RIPOR2: variants seen among roughly 807,000 people sequenced by gnomAD.
RIPOR2 encodes the protein rho family-interacting cell polarization regulator 2.
A neutral mutation model predicts 114.5 loss-of-function variants in RIPOR2; 39 were observed. That is an observed-to-expected ratio of 0.34 (90% confidence interval 0.26 to 0.44). RIPOR2 has a LOEUF of 0.44. RIPOR2 is among the 20% of genes least tolerant of loss of function. The pLI, the probability that RIPOR2 is intolerant of heterozygous loss-of-function variation, is 1.00. For missense variants in RIPOR2, 1,007 were observed against 1,255.1 expected, an observed-to-expected ratio of 0.80 and a Z score of 2.99; for synonymous variants, 445 against 484.4, an observed-to-expected ratio of 0.92 and a Z score of 1.07.
intron 7 of RIPOR2, among the ~76,000 whole-genome samples, chr6:24,861,949 A>AT (rs995032916): frequency 6.6e-6 from 1 of 152,242 alleles, no homozygotes; most frequent in Non-Finnish European, 1.5e-5. Flanking sequence ...CAAGGGCTGA[A>AT]TTCTGCTCAA....
At chr6:24,892,861 C>G (rs925125838) in intron 1 of RIPOR2, among the ~76,000 whole-genome samples, 1 of 152,070 alleles carries the variant, frequency 6.6e-6, no homozygotes, top group Admixed American at 6.5e-5. Flanking sequence ...TTTTAAGATA[C>G]TTGGGATGTT....
In RIPOR2 at chr6:24,950,743, A is replaced by C. The variant is rs1772706569; in HGVS notation, c.77-74926T>G. Among the ~76,000 whole-genome samples the C allele has an allele frequency of 2.6e-5, 4 of 152,098 alleles. No homozygotes were observed. In the South Asian group the frequency reaches 8.3e-4, roughly 32 times the overall value. On this transcript the variant is annotated intron_variant, in intron 1 of 13. Coordinates refer to the RIPOR2 transcript ENST00000510784. ...ATGACTGAACTGTTCCATCTGAACA[A>C]AAAGAAAATATATTCATTTAAACAA...
intron 1 of RIPOR2, among the ~76,000 whole-genome samples, chr6:24,933,376 A>G (rs959689913): frequency 2.6e-5 from 4 of 152,222 alleles, no homozygotes; most frequent in Non-Finnish European, 4.4e-5. Flanking sequence ...TAACCTGCTT[A>G]AGGTCATAAG....
chr6:24,989,301 C>CT (rs70974959), intron 1 of RIPOR2, among the ~76,000 whole-genome samples: 57,465 of 145,894 alleles, frequency 0.39, 11,860 homozygotes, highest in African/African-American at 0.53. Flanking sequence ...TTGTCTTTTT[C>CT]TTTTTTTTTT....
chr6:24,976,551 G>T (rs575610222), intron 1 of RIPOR2: 1 of 1,594,998 alleles, frequency 6.3e-7, no homozygotes, highest in African/African-American at 1.3e-5. Flanking sequence ...TTAACAGATT[G>T]GAGCTGTTTG....
chr6:24,988,503 T>C (rs981312066), intron 1 of RIPOR2, among the ~76,000 whole-genome samples: 1 of 152,212 alleles, frequency 6.6e-6, no homozygotes, highest in African/African-American at 2.4e-5. Flanking sequence ...TCTATCTTTA[T>C]CTTTCAGTTG....
At chr6:25,036,841 C>T (rs1448877898) in intron 1 of RIPOR2, among the ~76,000 whole-genome samples, 1 of 152,170 alleles carries the variant, frequency 6.6e-6, no homozygotes, top group Non-Finnish European at 1.5e-5. Flanking sequence ...CCCTAGGGGC[C>T]AAGATCAGTT....
chr6:25,003,754 T>A (rs1354962250), intron 1 of RIPOR2, among the ~76,000 whole-genome samples: 1 of 152,184 alleles, frequency 6.6e-6, no homozygotes, highest in African/African-American at 2.4e-5. Flanking sequence ...AAAGGTAGCA[T>A]TACCTCTTAT....
chr6:24,870,768 C>G (rs1455831708), intron 5 of RIPOR2, 98 bp downstream of exon 5: 1 of 828,580 alleles, frequency 1.2e-6, no homozygotes, highest in African/African-American at 1.7e-5. Context: ...CCCACCTCGG[C>G]CTCCCAAAGT....
Position 24,843,220 on chromosome 6 carries a change from C to G in RIPOR2, c.1499G>C (p.Arg500Pro), listed in dbSNP as rs748165543. The G allele has an allele frequency of 1.2e-6, 2 of 1,614,018 alleles. No individual in the cohort carries two copies. The highest frequency in any genetic ancestry group is 2.2e-5 in the East Asian group (1 of 44,876). The change falls in exon 13 of 22, where the codon CGA (arginine) becomes CCA (proline). Residue 500 changes from arginine to proline, a missense_variant. Physicochemically the swap from Arg to Pro is moderately radical, Grantham distance 103. Coordinates refer to ENST00000643898, the MANE Select transcript of RIPOR2 (RefSeq NM_001286445.3). ...CTCAGCCCCAGCACCTGAGGACTGTCGGCGGCAAGCCTCAGATGGGGCCGA... is the reference window on the plus strand; with the variant it reads ...CTCAGCCCCAGCACCTGAGGACTGTGGGCGGCAAGCCTCAGATGGGGCCGA... ...PASAPSEACR[R>P]QSSGAGAEHL...
chr6:24,897,463 T>C (rs1767993538), intron 1 of RIPOR2, among the ~76,000 whole-genome samples: 1 of 152,154 alleles, frequency 6.6e-6, no homozygotes, highest in Non-Finnish European at 1.5e-5. Flanking sequence ...CCCTCCGCCA[T>C]CCTCCAGATT....
intron 1 of RIPOR2, among the ~76,000 whole-genome samples, chr6:24,960,269 A>C (rs1451019844): frequency 6.6e-6 from 1 of 152,196 alleles, no homozygotes; most frequent in African/African-American, 2.4e-5. Flanking sequence ...TGGGAAGTCC[A>C]AGGTCAAGGC....
rs1327356047 is a variant in RIPOR2 at position 24,858,952 on chromosome 6, G to T, written c.715+2021C>A. On this transcript the variant is annotated intron_variant, in intron 8 of 21. Transcript: ENST00000643898. This position sits in a 1 kb window ranked among gnomAD's most constrained non-coding sequence, Gnocchi z 4.0. Reference sequence around the variant, plus strand: ...CATCCCACTCCTAGGGTGTCTCTGTGCTAGGTTGGAGAGGATCTGCCCGTG... The same window carrying T: ...CATCCCACTCCTAGGGTGTCTCTGTTCTAGGTTGGAGAGGATCTGCCCGTG... Among the ~76,000 whole-genome samples, 1 of 152,194 alleles carries T rather than the reference G, an allele frequency of 6.6e-6. No homozygotes were observed. Among genetic ancestry groups the T allele is most frequent in the Non-Finnish European group, 1.5e-5 (1 of 68,032 alleles).
In RIPOR2 at chr6:24,954,458, T is replaced by C. The variant is rs1395832245; in HGVS notation, c.77-78641A>G. 1.4e-3 allele frequency among the ~76,000 whole-genome samples: 196 copies of C among 139,966 alleles called. 5 individuals are homozygous for C. The East Asian group carries it at 0.039, about 28-fold the overall frequency. The allele number at this position is 139,966 out of a possible 152,430, so 91.8% of individuals were successfully genotyped here. A position where few individuals can be genotyped will look rare whatever the true frequency, so the allele number is the denominator to read the frequency against. On this transcript the variant is annotated intron_variant, in intron 1 of 13. Transcript: ENST00000510784. ...TGTGCAGGCCCAGTCTCTCTCTCCT[T>C]TTTTTTTTTTTTTTTGAGACAGGGT...
chr6:24,964,745 C>A (rs1424720162), intron 1 of RIPOR2, among the ~76,000 whole-genome samples: 1 of 152,164 alleles, frequency 6.6e-6, no homozygotes, highest in Non-Finnish European at 1.5e-5. Flanking sequence ...CCATTTTATA[C>A]CCCCACCAGC....
chr6:24,962,503 A>C (rs1170889964), intron 1 of RIPOR2, among the ~76,000 whole-genome samples: 1 of 152,146 alleles, frequency 6.6e-6, no homozygotes, highest in Non-Finnish European at 1.5e-5. Context: ...TATGAGAAGA[A>C]TATTCACTCC....
Position 24,873,652 on chromosome 6 carries a change from A to G in RIPOR2, c.336T>C (p.Asn112=), listed in dbSNP as rs774512030. The G allele has an allele frequency of 1.2e-6, 2 of 1,611,876 alleles. No homozygotes were observed. Among genetic ancestry groups the G allele is most frequent in the Non-Finnish European group, 1.7e-6 (2 of 1,179,378 alleles). ...RVEEVYRALK[N]GLDEYLEVHQ... is the part of the protein sequence containing the mutation. ...CAGGTTCAAGTTCTTACTCAAGTCC[A>G]TTTTTCAAGGCCCTGTAGACTTCTT... Residue 112 remains asparagine, a synonymous_variant, in exon 3 of 22, where the codon AAT becomes AAC. Transcript: ENST00000643898.
intron 1 of RIPOR2, among the ~76,000 whole-genome samples, chr6:24,913,331 C>A (rs1272350975): frequency 6.6e-6 from 1 of 152,186 alleles, no homozygotes; most frequent in Admixed American, 6.5e-5. Context: ...GGCTGCATCT[C>A]CCCTTGAGGG....
intron 1 of RIPOR2, among the ~76,000 whole-genome samples, chr6:24,978,936 T>A (rs7773555): frequency 0.35 from 53,891 of 152,140 alleles, 10,176 homozygotes; most frequent in Non-Finnish European, 0.43. Flanking sequence ...CGTGACAGAA[T>A]GCTAGTGATA....
Sources: gnomAD v4.1 joint callset for allele counts (sites outside exome capture counted in the v4.1 genomes callset) on GRCh38, gnomAD v4.1.1 for gene constraint, Gnocchi (gnomAD v3.1) non-coding constraint, MANE v1.5 for transcripts, NCBI Gene and HGNC (gene_info 2026-07-23, HGNC 2026-07-21) for gene names.